KIRREL3: variants seen among roughly 807,000 people sequenced by gnomAD.
The protein encoded by KIRREL3 is kin of IRRE-like protein 3.
Under a neutral mutation model 89.7 loss-of-function variants are expected in KIRREL3, and 36 were observed. The observed-to-expected ratio is 0.40, with a 90% CI of 0.31 to 0.53. The LOEUF is 0.53. Ranked by LOEUF, KIRREL3 falls within the 20% of genes least tolerant of loss-of-function variation. The probability of loss-of-function intolerance (pLI) is 0.49; values close to 1 mark genes in which losing one functional copy is unlikely to be tolerated. For missense variants in KIRREL3, 864 were observed against 1,056.6 expected (o/e 0.82, Z 2.53); for synonymous variants, 445 against 441.4 (o/e 1.01, Z -0.10).
chr11:126,601,812 T>C lies in KIRREL3; in HGVS notation c.56-38900A>G, dbSNP rs1253977126. On this transcript the variant is annotated intron_variant, in intron 1 of 16. Transcript: ENST00000525144. The surrounding 1 kb of genome is among the most constrained non-coding windows in gnomAD (Gnocchi z 5.8). Reference sequence around the variant, plus strand: ...GCCGCGTCCATTTCTAGGAGCTCCATTCCCTCGTGCCATCTCCCGTTTTTA... The same window carrying C: ...GCCGCGTCCATTTCTAGGAGCTCCACTCCCTCGTGCCATCTCCCGTTTTTA... Among the ~76,000 whole-genome samples the C allele has an allele frequency of 1.3e-5, 2 of 151,594 alleles. No homozygotes were observed. The highest frequency in any genetic ancestry group is 4.8e-5 in the African/African-American group (2 of 41,392).
chr11:126,437,022 G>A lies in KIRREL3; in HGVS notation c.1354-13C>T, dbSNP rs751610309. 19 of 1,508,514 alleles carry A rather than the reference G, an allele frequency of 1.3e-5. No homozygotes were observed. Among genetic ancestry groups the A allele is most frequent in the Middle Eastern group, 2.4e-4 (1 of 4,148 alleles). 93.4% of individuals were successfully genotyped at this position (1,508,514 alleles called of 1,614,324 possible). On this transcript the variant is annotated splice_polypyrimidine_tract_variant and intron_variant, in intron 11 of 16. Transcript: ENST00000525144. ...TCCAGGACCAGGCCTGCCCGGGGGC[G>A]CAGAATCAGGAGGAGACCCCACCAG...
intron 1 of KIRREL3, among the ~76,000 whole-genome samples, chr11:126,840,924 A>C (rs1943944514): frequency 6.6e-6 from 1 of 152,260 alleles, no homozygotes. Flanking sequence ...AAAAAGTGAA[A>C]GTTCTCAAAT....
rs577604129 is a variant in KIRREL3 at position 126,431,237 on chromosome 11, C to T, written c.1696+182G>A. Reference sequence around the variant, plus strand: ...AACCTCAGCCTAGCGCCCACTCTGCCAGGCGCCATGTTGCCCAGGCTCACA... The same window carrying T: ...AACCTCAGCCTAGCGCCCACTCTGCTAGGCGCCATGTTGCCCAGGCTCACA... On this transcript the variant is annotated intron_variant, in intron 14 of 16. Coordinates refer to ENST00000525144, the MANE Select transcript of KIRREL3 (RefSeq NM_032531.4). The surrounding 1 kb of genome is among the most constrained non-coding windows in gnomAD (Gnocchi z 7.1). 6.6e-6 allele frequency: 10 copies of T among 1,520,040 alleles called. No individual in the cohort carries two copies. In the African/African-American group the frequency reaches 1.4e-4, roughly 21 times the overall value. 94.2% of individuals were successfully genotyped at this position (1,520,040 alleles called of 1,614,324 possible).
At position 126,993,811 on chromosome 11, in the gene KIRREL3, G is replaced by A. The variant is rs1591440651; in HGVS notation, c.55+6644C>T. On this transcript the variant is annotated intron_variant, in intron 1 of 16. Transcript: ENST00000525144. The surrounding 1 kb of genome is among the most constrained non-coding windows in gnomAD (Gnocchi z 6.1). ...CTATGTGGAGCCCCTGGGGGAAAAT[G>A]TGGAATAGTGACAGCGATGTTTGTT... 6.6e-6 allele frequency among the ~76,000 whole-genome samples: 1 copy of A among 152,308 alleles called. No individual in the cohort carries two copies. The highest frequency in any genetic ancestry group is 1.5e-5 in the Non-Finnish European group (1 of 68,024).
Position 126,653,233 on chromosome 11 carries a change from G to T in KIRREL3, c.56-90321C>A, listed in dbSNP as rs2134979222. Among the ~76,000 whole-genome samples the T allele has an allele frequency of 6.6e-6, 1 of 152,314 alleles. No homozygotes were observed. The highest frequency in any genetic ancestry group is 1.5e-5 in the Non-Finnish European group (1 of 68,030). On this transcript the variant is annotated intron_variant, in intron 1 of 16. Transcript: ENST00000525144. The surrounding 1 kb of genome is among the most constrained non-coding windows in gnomAD (Gnocchi z 5.4). ...AGAATCCAACGGAGGAGGCGGTACT[G>T]GGGCCCGTGGTGGCAGAGGATGACG...
intron 1 of KIRREL3, among the ~76,000 whole-genome samples, chr11:126,986,442 C>T (rs1471765583): frequency 6.6e-6 from 1 of 152,136 alleles, no homozygotes; most frequent in East Asian, 1.9e-4. Context: ...AACAGAAAAT[C>T]TATCCTTTAT....
intron 8 of KIRREL3, 50 bp from the exon 9 acceptor site, chr11:126,446,936 G>T: frequency 6.3e-7 from 1 of 1,582,388 alleles, no homozygotes; most frequent in East Asian, 2.3e-5. Context: ...GGGAGCTCTG[G>T]GATCCTCCTT....
chr11:126,809,536 C>T (rs910209420), intron 1 of KIRREL3, among the ~76,000 whole-genome samples: 1 of 152,182 alleles, frequency 6.6e-6, no homozygotes, highest in African/African-American at 2.4e-5. Context: ...AAGGGAGAGG[C>T]AACAAGAACA....
In KIRREL3 at chr11:126,782,669, A is replaced by C. The variant is rs1030272420; in HGVS notation, c.55+217786T>G. Among the ~76,000 whole-genome samples, 9 of 152,194 alleles carry C rather than the reference A, an allele frequency of 5.9e-5. No individual in the cohort carries two copies. Among genetic ancestry groups the C allele is most frequent in the Admixed American group, 4.6e-4 (7 of 15,276 alleles). On this transcript the variant is annotated intron_variant, in intron 1 of 16. Transcript: ENST00000525144. This position sits in a 1 kb window ranked among gnomAD's most constrained non-coding sequence, Gnocchi z 4.1. Reference sequence around the variant, plus strand: ...TGGGAGGTTACAGATAAGCAAAAGGAGGGGGCTAGAATGATCCAGATCCAC... The same window carrying C: ...TGGGAGGTTACAGATAAGCAAAAGGCGGGGGCTAGAATGATCCAGATCCAC...
At chr11:126,619,006 G>T (rs1943470929) in intron 1 of KIRREL3, among the ~76,000 whole-genome samples, 1 of 152,202 alleles carries the variant, frequency 6.6e-6, no homozygotes, top group Non-Finnish European at 1.5e-5. Flanking sequence ...CATGGATCTT[G>T]ACTTCTAGTT....
chr11:126,971,983 A>G (rs1470432078), intron 1 of KIRREL3, among the ~76,000 whole-genome samples: 1 of 152,174 alleles, frequency 6.6e-6, no homozygotes, highest in Non-Finnish European at 1.5e-5. Context: ...TCCAATTCAT[A>G]ACTATAAACC....
At chr11:126,438,111 G>T (rs1955427828) in intron 11 of KIRREL3, among the ~76,000 whole-genome samples, 1 of 152,268 alleles carries the variant, frequency 6.6e-6, no homozygotes, top group African/African-American at 2.4e-5. Flanking sequence ...TGCCCTGTTG[G>T]CCTGCGCACT....
chr11:126,461,406 G>T (rs961260442), intron 6 of KIRREL3, among the ~76,000 whole-genome samples: 1 of 152,176 alleles, frequency 6.6e-6, no homozygotes, highest in South Asian at 2.1e-4. Context: ...TGTGTGCCCC[G>T]GGACCTCCTT....
At chr11:126,456,312 A>G (rs1296826837) in intron 7 of KIRREL3, 37 bp downstream of exon 7, 10 of 1,405,974 alleles carry the variant, frequency 7.1e-6, no homozygotes, top group African/African-American at 1.4e-5. Flanking sequence ...GGTGGGGGCC[A>G]GTGGCCAGGC....
rs1255890058 is a variant in KIRREL3, at chr11:126,642,590, A to C, written c.56-79678T>G. The stretch of plus-strand genomic sequence containing the variant: ...ATTTTCTTGGGTGACCACCATCTCC[A>C]AGAGAACCTCTTAGAAGTAGGCCAA... On this transcript the variant is annotated intron_variant, in intron 1 of 16. Transcript: ENST00000525144. The surrounding 1 kb of genome is among the most constrained non-coding windows in gnomAD (Gnocchi z 4.9). Among the ~76,000 whole-genome samples, 1 of 152,236 alleles carries C rather than the reference A, an allele frequency of 6.6e-6. No homozygotes were observed. Among genetic ancestry groups the C allele is most frequent in the Non-Finnish European group, 1.5e-5 (1 of 68,034 alleles).
rs1945930941 is a variant in KIRREL3, at chr11:126,891,732, G to A, written c.55+108723C>T. On this transcript the variant is annotated intron_variant, in intron 1 of 16. Coordinates refer to ENST00000525144, the MANE Select transcript of KIRREL3 (RefSeq NM_032531.4). This position sits in a 1 kb window ranked among gnomAD's most constrained non-coding sequence, Gnocchi z 5.1. ...CGGCTGACTCAAAGGAAGTTGGCTG[G>A]CAGGTTCTGCGATCCCTGGAGATGG... is the stretch of plus-strand genomic sequence containing the variant. Among the ~76,000 whole-genome samples, 1 of 152,186 alleles carries A rather than the reference G, an allele frequency of 6.6e-6. No homozygotes were observed. The highest frequency in any genetic ancestry group is 1.5e-5 in the Non-Finnish European group (1 of 68,036).
In KIRREL3 at chr11:126,994,237, C is replaced by T. The variant is rs78818917; in HGVS notation, c.55+6218G>A. Among the ~76,000 whole-genome samples, 2,047 of 152,068 alleles carry T rather than the reference C, an allele frequency of 0.013. 14 individuals are homozygous for T. Among genetic ancestry groups the T allele is most frequent in the Non-Finnish European group, 0.023 (1,572 of 67,978 alleles). ...TGTGTTCAGTAGGGGGTCAGGAGGG[C>T]GTGGGAAGGCTTCCAGATGCCAGGA... On this transcript the variant is annotated intron_variant, in intron 1 of 16. Coordinates refer to ENST00000525144, the MANE Select transcript of KIRREL3 (RefSeq NM_032531.4). The surrounding 1 kb of genome is among the most constrained non-coding windows in gnomAD (Gnocchi z 5.2).
At chr11:126,532,622 C>T (rs2134461989) in intron 2 of KIRREL3, among the ~76,000 whole-genome samples, 1 of 152,208 alleles carries the variant, frequency 6.6e-6, no homozygotes, top group Non-Finnish European at 1.5e-5. Flanking sequence ...GTGATCTGCC[C>T]ACCTCGGCTT....
Position 126,797,961 on chromosome 11 carries a change from T to G in KIRREL3, c.55+202494A>C, listed in dbSNP as rs1950865500. Among the ~76,000 whole-genome samples the G allele has an allele frequency of 6.6e-6, 1 of 152,198 alleles. No individual in the cohort carries two copies. The highest frequency in any genetic ancestry group is 6.5e-5 in the Admixed American group (1 of 15,282). ...AAAGTAACACATGGGCTGTTTGTGC[T>G]TTTGCTAACTCCTGTGTGCTCCTGG... is the stretch of plus-strand genomic sequence containing the variant. On this transcript the variant is annotated intron_variant, in intron 1 of 16. Transcript: ENST00000525144. This position sits in a 1 kb window ranked among gnomAD's most constrained non-coding sequence, Gnocchi z 4.9.
Sources: allele counts gnomAD v4.1 joint callset (sites outside exome capture counted in the v4.1 genomes callset), GRCh38; gene constraint gnomAD v4.1.1; non-coding constraint Gnocchi (gnomAD v3.1); transcripts MANE v1.5; gene names NCBI Gene and HGNC (gene_info 2026-07-23, HGNC 2026-07-21).